Variants in CAPS2 observed in about 807,000 individuals in gnomAD.
CAPS2 encodes calcyphosine 2, also known as calcyphosin-2.
CAPS2 carries 98 observed loss-of-function variants against 86.5 expected under a neutral mutation model. The observed-to-expected ratio is 1.13, with a 90% CI of 0.96 to 1.34. CAPS2 has a LOEUF of 1.34. CAPS2 is among the 40% of genes most tolerant of loss of function. The pLI, the probability that CAPS2 is intolerant of heterozygous loss-of-function variation, is 0.00. For synonymous variants in CAPS2, 210 were observed against 225.1 expected, an observed-to-expected ratio of 0.93 and a Z score of 0.60; for missense variants, 729 against 686.8, an observed-to-expected ratio of 1.06 and a Z score of -0.69.
intron 7 of CAPS2, chr12:75,305,643 A>C: frequency 1.6e-6 from 1 of 630,512 alleles, no homozygotes; most frequent in Non-Finnish European, 3.0e-6. Context: ...GCCGCGGAGA[A>C]GGGCGGCGCC....
chr12:75,369,453 T>A (rs1211377606), intron 1 of CAPS2: 4 of 886,088 alleles, frequency 4.5e-6, no homozygotes, highest in Non-Finnish European at 5.4e-6. Flanking sequence ...GTCAAAAAAA[T>A]TAATTAATTA....
upstream of CAPS2, among the ~76,000 whole-genome samples, chr12:75,331,801 G>A (rs1341303703): frequency 6.6e-6 from 1 of 151,940 alleles, no homozygotes; most frequent in African/African-American, 2.4e-5. Flanking sequence ...CTGACCTCGT[G>A]ATCCGCCCCC....
chr12:75,298,666 G>T (rs12299363), intron 11 of CAPS2, 21 bp downstream of exon 11: 15 of 1,571,688 alleles, frequency 9.5e-6, no homozygotes, highest in Non-Finnish European at 1.3e-5. Context: ...TTAAATGTGT[G>T]CACACACACA....
Position 75,292,620 on chromosome 12 carries a change from T to C in CAPS2, c.1163+629A>G, listed in dbSNP as rs1250991320. ...TATATACATATTATATATGTATCTA[T>C]ACATATTATGTATGTATAGATCTAT... is the stretch of plus-strand genomic sequence containing the variant. On this transcript the variant is annotated intron_variant, in intron 12 of 16. Coordinates refer to ENST00000393284, the Ensembl canonical transcript of CAPS2. Among the ~76,000 whole-genome samples the C allele has an allele frequency of 2.0e-5, 3 of 147,242 alleles. No homozygotes were observed. The East Asian group carries it at 5.8e-4, about 29-fold the overall frequency.
In CAPS2 at chr12:75,385,742, G is replaced by C. The variant is rs145132918; in HGVS notation, c.-395+5096C>G. Among the ~76,000 whole-genome samples the C allele has an allele frequency of 2.7e-3, 411 of 152,304 alleles. 2 individuals carry two copies. The highest frequency in any genetic ancestry group is 9.5e-3 in the African/African-American group (394 of 41,568). ...CTCCTGAAACTAATCAATGATTTTA[G>C]CAAGGTTGCAGGATACGAGGTTAAT... On this transcript the variant is annotated intron_variant, in intron 1 of 5. Transcript: ENST00000551829.
chr12:75,302,121 C>G (rs1311072321), intron 8 of CAPS2, among the ~76,000 whole-genome samples: 1 of 152,128 alleles, frequency 6.6e-6, no homozygotes, highest in Non-Finnish European at 1.5e-5. Context: ...GTACTACTCA[C>G]GCCAATTCCT....
intron 1 of CAPS2, among the ~76,000 whole-genome samples, chr12:75,368,698 C>G (rs1168067843): frequency 1.3e-5 from 2 of 151,866 alleles, no homozygotes; most frequent in Non-Finnish European, 2.9e-5. Context: ...TTGTATTAGA[C>G]TCATTTTAAA....
chr12:75,300,555 CAAAAAAAAAAAAAAAAAAA>C (rs60853698), intron 8 of CAPS2, among the ~76,000 whole-genome samples: 1 of 83,020 alleles, frequency 1.2e-5, no homozygotes, highest in East Asian at 3.6e-4. Context: ...GACTCCGTCT[CAAAAAAAAAAAAAAAAAAA>C]AAAAAAAAAA....
intron 5 of CAPS2, among the ~76,000 whole-genome samples, chr12:75,317,576 A>G (rs1443684517): frequency 6.6e-6 from 1 of 152,164 alleles, no homozygotes; most frequent in Admixed American, 6.6e-5. Flanking sequence ...TTCAAATTCA[A>G]CCTTCCAAAA....
intron 8 of CAPS2, 132 bp from the exon 9 acceptor site, chr12:75,300,043 A>AC (rs903408094): frequency 1.8e-5 from 8 of 436,384 alleles, no homozygotes; most frequent in Admixed American, 4.3e-5. Context: ...GTAAAAAAAA[A>AC]CTCTTTTTTT....
chr12:75,303,711 C>T (rs930977547), intron 8 of CAPS2, among the ~76,000 whole-genome samples: 1 of 152,124 alleles, frequency 6.6e-6, no homozygotes, highest in Admixed American at 6.6e-5. Flanking sequence ...CATGGGAATA[C>T]ATTATATGGT....
chr12:75,289,866 T>C lies in CAPS2; in HGVS notation c.1241-91A>G. The stretch of plus-strand genomic sequence containing the variant: ...TCTTTCATAAGAAAATTAAAGTTGA[T>C]GTAACTGAAATAAGGAATGTGAATA... On this transcript the variant is annotated intron_variant, in intron 13 of 16. Transcript: ENST00000393284. The C allele has an allele frequency of 6.6e-6, 6 of 911,114 alleles. No individual in the cohort carries two copies. The South Asian group carries it at 8.4e-5, about 13-fold the overall frequency. 56.4% of individuals were successfully genotyped at this position (911,114 alleles called of 1,614,324 possible). A position where few individuals can be genotyped will look rare whatever the true frequency, so the allele number is the denominator to read the frequency against.
intron 5 of CAPS2, among the ~76,000 whole-genome samples, chr12:75,320,351 C>A (rs2040185737): frequency 6.6e-6 from 1 of 152,138 alleles, no homozygotes; most frequent in South Asian, 2.1e-4. Context: ...GTTTTCCCAA[C>A]ATCTGTACAG....
At chr12:75,353,664 T>C (rs926738405) in intron 1 of CAPS2, among the ~76,000 whole-genome samples, 1 of 152,192 alleles carries the variant, frequency 6.6e-6, no homozygotes, top group African/African-American at 2.4e-5. Context: ...ATCATCCTGA[T>C]ACCAAAACCT....
chr12:75,285,709 G>C (rs1194074797), intron 14 of CAPS2, among the ~76,000 whole-genome samples: 1 of 151,818 alleles, frequency 6.6e-6, no homozygotes, highest in African/African-American at 2.4e-5. Flanking sequence ...ATAGATATGT[G>C]TGTGTGTCTG....
intron 1 of CAPS2, chr12:75,371,398 C>T (rs1177654636): frequency 3.8e-6 from 1 of 262,348 alleles, no homozygotes; most frequent in African/African-American, 2.3e-5. Context: ...TGCCCACCCA[C>T]ATTGAGGTGG....
chr12:75,344,019 T>C (rs1201001882), intron 1 of CAPS2: 2 of 1,198,756 alleles, frequency 1.7e-6, no homozygotes, highest in African/African-American at 1.5e-5. Flanking sequence ...GTATGTAAAG[T>C]GCCTTTATTT....
intron 1 of CAPS2, among the ~76,000 whole-genome samples, chr12:75,336,021 T>A (rs2041712294): frequency 6.6e-6 from 1 of 151,982 alleles, no homozygotes; most frequent in African/African-American, 2.4e-5. Flanking sequence ...AACAATGAAT[T>A]GTGGAGTTTA....
At chr12:75,337,378 CA>C (rs1390692526) in intron 1 of CAPS2, among the ~76,000 whole-genome samples, 1 of 151,560 alleles carries the variant, frequency 6.6e-6, no homozygotes, top group Admixed American at 6.6e-5. Context: ...AAGAAAGACA[CA>C]ACTCAAAAAT....
Sources: gnomAD v4.1 joint callset for allele counts (sites outside exome capture counted in the v4.1 genomes callset) on GRCh38, gnomAD v4.1.1 for gene constraint, MANE v1.5 for transcripts, NCBI Gene and HGNC (gene_info 2026-07-23, HGNC 2026-07-21) for gene names.